The following RIMS2 variants were observed in gnomAD, a reference collection of about 807,000 sequenced individuals.
The protein encoded by RIMS2 is regulating synaptic membrane exocytosis 2.
In RIMS2, 59 loss-of-function variants were observed where a neutral mutation model predicts 174.4. That is an observed-to-expected ratio of 0.34 (90% confidence interval 0.27 to 0.42). RIMS2 has a LOEUF of 0.42. Among genes scored for constraint, RIMS2 ranks in the 10% least tolerant of loss-of-function variants. The pLI is 1.00. For synonymous variants in RIMS2, 606 were observed against 572.5 expected (o/e 1.06, Z -0.84); for missense variants, 1,620 against 1,666.3 (o/e 0.97, Z 0.48).
chr8:103,879,768 C>T (rs2099158610), intron 3 of RIMS2, among the ~76,000 whole-genome samples: 1 of 151,606 alleles, frequency 6.6e-6, no homozygotes, highest in Non-Finnish European at 1.5e-5. Flanking sequence ...TCGTCTAACA[C>T]TGGCCTTTTC....
intron 8 of RIMS2, among the ~76,000 whole-genome samples, chr8:103,917,783 G>A (rs1027159546): frequency 3.9e-5 from 6 of 152,006 alleles, no homozygotes; most frequent in East Asian, 1.9e-4. Flanking sequence ...AGGGCGAGGC[G>A]GAAGGATCAC....
At chr8:104,072,596 C>G (rs896529907) in intron 19 of RIMS2, among the ~76,000 whole-genome samples, 3 of 152,072 alleles carry the variant, frequency 2.0e-5, no homozygotes, top group African/African-American at 7.3e-5. Flanking sequence ...GAGCTGTATT[C>G]CTGAAATTCC....
At chr8:104,112,985 A>G (rs188726368) in intron 19 of RIMS2, among the ~76,000 whole-genome samples, 13 of 152,340 alleles carry the variant, frequency 8.5e-5, no homozygotes, top group African/African-American at 2.6e-4. Context: ...TTTAACTGTT[A>G]TGAAATATAA....
intron 2 of RIMS2, among the ~76,000 whole-genome samples, chr8:103,751,122 T>C (rs1158185943): frequency 6.6e-6 from 1 of 152,178 alleles, no homozygotes; most frequent in Non-Finnish European, 1.5e-5. Flanking sequence ...CACATGGAAC[T>C]GTAAGTCCAA....
chr8:104,173,485 T>C (rs1347446458), intron 19 of RIMS2, among the ~76,000 whole-genome samples: 1 of 152,098 alleles, frequency 6.6e-6, no homozygotes, highest in East Asian at 1.9e-4. Flanking sequence ...ATTGAAGTAA[T>C]CTTTAATTTT....
At chr8:103,798,750 C>T (rs1272956500) in intron 3 of RIMS2, among the ~76,000 whole-genome samples, 1 of 151,924 alleles carries the variant, frequency 6.6e-6, no homozygotes, top group Admixed American at 6.6e-5. Context: ...GAATAATGGC[C>T]TCCAAAAATG....
chr8:103,937,466 G>C (rs971845608), intron 13 of RIMS2, among the ~76,000 whole-genome samples: 2 of 152,184 alleles, frequency 1.3e-5, no homozygotes, highest in Non-Finnish European at 2.9e-5. Context: ...GCTATAGACT[G>C]AGCGTTCAAA....
chr8:104,211,558 C>CA (rs1437500768), intron 19 of RIMS2, among the ~76,000 whole-genome samples: 1 of 144,474 alleles, frequency 6.9e-6, no homozygotes, highest in Admixed American at 6.9e-5. Context: ...TGACATGACC[C>CA]AATGTGGAAT....
rs1045194731 is a variant in RIMS2 at position 103,854,177 on chromosome 8, A to G, written c.699-31121A>G. On this transcript the variant is annotated intron_variant, in intron 3 of 23. Transcript: ENST00000504942. The stretch of plus-strand genomic sequence containing the variant: ...GGATTGTGTTCTTGATTTGGCACTC[A>G]GCCTGGACATTATTGGTGTATAGAA... 2.6e-5 allele frequency among the ~76,000 whole-genome samples: 4 copies of G among 152,168 alleles called. No individual in the cohort carries two copies. In the East Asian group the frequency reaches 7.7e-4, roughly 29 times the overall value.
rs79679173 is a variant in RIMS2, at chr8:103,983,384, A to G, written c.2928-5921A>G. The stretch of plus-strand genomic sequence containing the variant: ...AATACCAATGACATTCATCACAGAA[A>G]TTGAAGAAATAATTCTAAAATTCAT... On this transcript the variant is annotated intron_variant, in intron 16 of 23. Coordinates refer to ENST00000504942, the Ensembl canonical transcript of RIMS2. 1.6e-3 allele frequency among the ~76,000 whole-genome samples: 240 copies of G among 152,358 alleles called. 1 individual carries two copies. Among genetic ancestry groups the G allele is most frequent in the African/African-American group, 5.6e-3 (234 of 41,594 alleles).
At chr8:103,843,235 G>C (rs559519284) in intron 3 of RIMS2, among the ~76,000 whole-genome samples, 1 of 152,242 alleles carries the variant, frequency 6.6e-6, no homozygotes, top group East Asian at 1.9e-4. Flanking sequence ...TTCTTGGCCT[G>C]CTTTCTCTAG....
At chr8:103,737,942 AT>A (rs1328775753) in intron 2 of RIMS2, among the ~76,000 whole-genome samples, 1 of 152,062 alleles carries the variant, frequency 6.6e-6, no homozygotes, top group Non-Finnish European at 1.5e-5. Flanking sequence ...CACTTATATG[AT>A]TATTTTGTTT....
At chr8:103,830,092 C>G (rs980662359) in intron 3 of RIMS2, among the ~76,000 whole-genome samples, 1 of 151,918 alleles carries the variant, frequency 6.6e-6, no homozygotes, top group African/African-American at 2.4e-5. Flanking sequence ...AGTGATGACT[C>G]TTATTTTATT....
intron 1 of RIMS2, among the ~76,000 whole-genome samples, chr8:103,596,506 A>T (rs957826930): frequency 3.3e-5 from 5 of 152,064 alleles, no homozygotes; most frequent in Admixed American, 3.3e-4. Flanking sequence ...TAAATATCTC[A>T]AATATTAATA....
intron 3 of RIMS2, chr8:103,768,858 T>C: frequency 1.8e-6 from 1 of 563,864 alleles, no homozygotes; most frequent in South Asian, 1.8e-5. Context: ...GCCATATTGC[T>C]CTGGAGAAGC....
intron 4 of RIMS2, among the ~76,000 whole-genome samples, chr8:103,889,124 G>A (rs1341033178): frequency 1.3e-5 from 2 of 151,606 alleles, no homozygotes; most frequent in African/African-American, 4.8e-5. Flanking sequence ...TTGGCAATTT[G>A]ATTTGGGAAT....
At chr8:103,663,441 C>T (rs535969826) in intron 1 of RIMS2, among the ~76,000 whole-genome samples, 4 of 152,290 alleles carry the variant, frequency 2.6e-5, no homozygotes, top group South Asian at 4.1e-4. Flanking sequence ...AGCAAAGTCT[C>T]AGGATACAAA....
At chr8:104,248,947 A>T (rs2340767) in intron 21 of RIMS2, 134 bp downstream of exon 27, 149,314 of 502,246 alleles carry the variant, frequency 0.3, 23,088 homozygotes, top group African/African-American at 0.53. Context: ...TTTTTTTTTT[A>T]AGACAGAGTT....
intron 1 of RIMS2, among the ~76,000 whole-genome samples, chr8:103,516,762 AC>A (rs1829192619): frequency 6.6e-6 from 1 of 152,098 alleles, no homozygotes. Flanking sequence ...AGTAATAATA[AC>A]CCAATTGGGA....
Sources: allele counts gnomAD v4.1 joint callset (sites outside exome capture counted in the v4.1 genomes callset), GRCh38; gene constraint gnomAD v4.1.1; transcripts MANE v1.5; gene names NCBI Gene and HGNC (gene_info 2026-07-23, HGNC 2026-07-21).